TRPV5: variants seen among roughly 807,000 people sequenced by gnomAD.
The protein encoded by TRPV5 is transient receptor potential cation channel subfamily V member 5.
TRPV5 carries 66 observed loss-of-function variants against 74.1 expected under a neutral mutation model. The observed-to-expected ratio is 0.89, with a 90% confidence interval of 0.73 to 1.09. The LOEUF is 1.09. Ranked by LOEUF, TRPV5 falls within the 50% of genes least tolerant of loss-of-function variation. The pLI, the probability that TRPV5 is intolerant of heterozygous loss-of-function variation, is 0.00. For synonymous variants in TRPV5, 399 were observed against 360.7 expected, an observed-to-expected ratio of 1.11 and a Z score of -1.20; for missense variants, 936 against 930.4, an observed-to-expected ratio of 1.01 and a Z score of -0.08.
chr7:142,932,174 G>A (rs1398332806), intron 1 of TRPV5, among the ~76,000 whole-genome samples: 2 of 152,050 alleles, frequency 1.3e-5, no homozygotes, highest in East Asian at 3.9e-4. Flanking sequence ...GAGTGGTCAG[G>A]GCTGAGATTG....
At chr7:142,922,727 G>T (rs1378095010) in intron 8 of TRPV5, among the ~76,000 whole-genome samples, 1 of 152,154 alleles carries the variant, frequency 6.6e-6, no homozygotes, top group Admixed American at 6.5e-5. Flanking sequence ...CCAGGACTTT[G>T]AGCTTTTTAC....
chr7:142,927,785 G>A (rs1323420426), intron 7 of TRPV5, among the ~76,000 whole-genome samples: 1 of 152,198 alleles, frequency 6.6e-6, no homozygotes, highest in East Asian at 1.9e-4. Context: ...GGACACAAAT[G>A]CAAACCATAT....
chr7:142,915,154 A>G, intron 10 of TRPV5, 108 bp from the exon 11 acceptor site: 1 of 1,527,118 alleles, frequency 6.5e-7, no homozygotes, highest in Non-Finnish European at 8.9e-7. Flanking sequence ...TAGTCTTTAC[A>G]CCTAAAACGC....
At chr7:142,912,333 T>C in intron 13 of TRPV5, 149 bp downstream of exon 13, 1 of 990,080 alleles carries the variant, frequency 1.0e-6, no homozygotes, top group Non-Finnish European at 1.5e-6. Flanking sequence ...TATCCACATG[T>C]ACCTCAGGTT....
At position 142,930,077 on chromosome 7, in the gene TRPV5, G is replaced by A. The variant is rs149459190; in HGVS notation, c.330C>T (p.Thr110=). The change falls in exon 3 of 15, where the codon ACC becomes ACT. Residue 110 remains threonine (T), a synonymous_variant. Coordinates refer to ENST00000265310, the MANE Select transcript of TRPV5 (RefSeq NM_019841.7). ...EAAPELVFEP[T]TCEAFAGQTA... is the part of the protein sequence containing the mutation. ...CCTTACCTGCAAAAGCCTCACATGT[G>A]GTGGGCTCAAAGACCAGCTCTGGGG... 570 of 1,614,052 alleles carry A rather than the reference G, an allele frequency of 3.5e-4. 2 individuals are homozygous for A. In the African/African-American group the frequency reaches 6.7e-3, roughly 19 times the overall value.
chr7:142,929,301 C>A, intron 4 of TRPV5, 127 bp downstream of exon 4: 1 of 1,518,376 alleles, frequency 6.6e-7, no homozygotes, highest in Non-Finnish European at 8.9e-7. Flanking sequence ...TTAATTAAGC[C>A]CTAGAAGGGC....
chr7:142,914,611 A>C (rs775786019), intron 12 of TRPV5, 29 bp downstream of exon 12: 2 of 1,596,780 alleles, frequency 1.3e-6, no homozygotes, highest in Non-Finnish European at 1.7e-6. Context: ...AGATCTGCTG[A>C]TCTAGTAGAG....
intron 7 of TRPV5, among the ~76,000 whole-genome samples, chr7:142,926,165 T>C (rs532221207): frequency 8.5e-5 from 13 of 152,210 alleles, no homozygotes; most frequent in Non-Finnish European, 1.5e-4. Flanking sequence ...GGCCAGGTCA[T>C]CATGCATCAT....
At chr7:142,916,981 A>G (rs1795811980) in intron 8 of TRPV5, among the ~76,000 whole-genome samples, 1 of 140,170 alleles carries the variant, frequency 7.1e-6, no homozygotes, top group African/African-American at 2.6e-5. Flanking sequence ...ATTTTATTTT[A>G]TCATATAATA....
In TRPV5 at chr7:142,929,358, A is replaced by T. The variant is rs971550309; in HGVS notation, c.487+70T>A. ...AGATGGAGCTGAAGGCAGGACCCTCATGCCCTGGCCTCCCTCTGCCTTGCC... is the reference window on the plus strand; with the variant it reads ...AGATGGAGCTGAAGGCAGGACCCTCTTGCCCTGGCCTCCCTCTGCCTTGCC... On this transcript the variant is annotated intron_variant, in intron 4 of 14. Transcript: ENST00000265310. 1.9e-6 allele frequency: 3 copies of T among 1,582,236 alleles called. No homozygotes were observed. The African/African-American group carries it at 4.0e-5, about 21-fold the overall frequency.
chr7:142,910,689 C>T (rs1254279754), intron 13 of TRPV5, among the ~76,000 whole-genome samples: 1 of 152,212 alleles, frequency 6.6e-6, no homozygotes, highest in Non-Finnish European at 1.5e-5. Flanking sequence ...TCCCTCCTAG[C>T]TCAGGACTTC....
chr7:142,912,586 A>T lies in TRPV5; in HGVS notation c.1684T>A (p.Phe562Ile). 6.2e-7 allele frequency: 1 copy of T among 1,613,936 alleles called. No individual in the cohort carries two copies. Among genetic ancestry groups the T allele is most frequent in the East Asian group, 2.2e-5 (1 of 44,886 alleles). ...ATGAGCAGTGTGGCAATGATGGTGA[A>T]GGCGAAGTTGACAATGCTGAACATG... ...PFMFSIVNFAFTIIATLLMLN... is the reference protein window; with the variant it reads ...PFMFSIVNFAITIIATLLMLN... Residue 562 changes from phenylalanine (F) to isoleucine (I), a missense_variant, in exon 13 of 15, where the codon TTC becomes ATC. Transcript: ENST00000265310.
Position 142,931,249 on chromosome 7 carries a change from C to A in TRPV5, c.129-803G>T, listed in dbSNP as rs4252395. Among the ~76,000 whole-genome samples the A allele has an allele frequency of 2.0e-3, 309 of 152,150 alleles. 2 individuals are homozygous for A. Among genetic ancestry groups the A allele is most frequent in the African/African-American group, 7.0e-3 (292 of 41,520 alleles). ...ATGTTGGCCAGGCTGATCTCGAACTCCTGAGCTCAGGCAATCCGCCTGCCT... is the reference window on the plus strand; with the variant it reads ...ATGTTGGCCAGGCTGATCTCGAACTACTGAGCTCAGGCAATCCGCCTGCCT... On this transcript the variant is annotated intron_variant, in intron 1 of 14. Transcript: ENST00000265310.
chr7:142,910,199 C>G (rs1463829753), intron 13 of TRPV5, among the ~76,000 whole-genome samples: 1 of 152,134 alleles, frequency 6.6e-6, no homozygotes. Flanking sequence ...TGTGGGGCAA[C>G]AGAAGCAATA....
At position 142,928,681 on chromosome 7, in the gene TRPV5, C is replaced by T. The variant is rs370191982; in HGVS notation, c.762+10G>A. On this transcript the variant is annotated intron_variant, in intron 6 of 14. Transcript: ENST00000265310. ...AGAAAGACACCTCAGGGATGGGGAGCGTCTCTTACCACAGTGTTACCCTCC... is the reference window on the plus strand; with the variant it reads ...AGAAAGACACCTCAGGGATGGGGAGTGTCTCTTACCACAGTGTTACCCTCC... The T allele has an allele frequency of 2.0e-5, 32 of 1,610,892 alleles. No homozygotes were observed. Among genetic ancestry groups the T allele is most frequent in the East Asian group, 6.7e-5 (3 of 44,836 alleles).
chr7:142,916,892 C>CTTTT (rs1480768096), intron 8 of TRPV5, among the ~76,000 whole-genome samples: 1 of 140,256 alleles, frequency 7.1e-6, no homozygotes. Flanking sequence ...TCAGTCAACA[C>CTTTT]TTTTTTTTTT....
intron 3 of TRPV5, 91 bp from the exon 4 acceptor site, chr7:142,929,656 C>T (rs1351316633): frequency 2.6e-6 from 4 of 1,554,274 alleles, no homozygotes; most frequent in Non-Finnish European, 3.5e-6. Flanking sequence ...CAGGAGGTTC[C>T]TGATAGATCT....
chr7:142,924,540 T>A (rs1238733714), intron 8 of TRPV5, among the ~76,000 whole-genome samples: 1 of 151,726 alleles, frequency 6.6e-6, no homozygotes, highest in African/African-American at 2.4e-5. Flanking sequence ...GATTTTTGCT[T>A]CTTGGCTATA....
chr7:142,928,666 C>T, intron 6 of TRPV5, 25 bp downstream of exon 6: 1 of 1,606,196 alleles, frequency 6.2e-7, no homozygotes, highest in Non-Finnish European at 8.5e-7. Flanking sequence ...AGAAAGACAC[C>T]TCAGGGATGG....
Sources: gnomAD v4.1 joint callset for allele counts (sites outside exome capture counted in the v4.1 genomes callset) on GRCh38, gnomAD v4.1.1 for gene constraint, MANE v1.5 for transcripts, NCBI Gene and HGNC (gene_info 2026-07-23, HGNC 2026-07-21) for gene names.